The following RPN2 variants were observed in gnomAD, a reference collection of about 807,000 sequenced individuals.
RPN2 encodes the protein dolichyl-diphosphooligosaccharide--protein glycosyltransferase subunit 2.
A neutral mutation model predicts 71.4 loss-of-function variants in RPN2; 29 were observed. The observed-to-expected ratio is 0.41, with a 90% CI of 0.30 to 0.55. The LOEUF is 0.55. Among genes scored for constraint, RPN2 ranks in the 20% least tolerant of loss-of-function variants. The pLI is 0.35. For synonymous variants in RPN2, 308 were observed against 305.0 expected (o/e 1.01, Z -0.10); for missense variants, 726 against 774.1 (o/e 0.94, Z 0.74).
chr20:37,188,742 G>A (rs2067071473), intron 2 of RPN2, among the ~76,000 whole-genome samples: 1 of 150,828 alleles, frequency 6.6e-6, no homozygotes, highest in Non-Finnish European at 1.5e-5. Flanking sequence ...TCTGCCCCTC[G>A]AGTAGCTGGG....
At chr20:37,196,672 G>C (rs545681156) in intron 2 of RPN2, among the ~76,000 whole-genome samples, 127 of 152,296 alleles carry the variant, frequency 8.3e-4, no homozygotes, top group African/African-American at 2.8e-3. Context: ...GAGCCACTGT[G>C]CCCAGCCAGC....
At position 37,210,156 on chromosome 20, in the gene RPN2, C is replaced by T. The variant is rs1722628523; in HGVS notation, c.977C>T (p.Thr326Ile). The change falls in exon 8 of 17, where the codon ACC (threonine) becomes ATC (isoleucine). Residue 326 changes from threonine (T) to isoleucine (I), a missense_variant. Thr to Ile is a moderately conservative substitution (Grantham distance 89). Transcript: ENST00000237530. Reference sequence around the variant, plus strand: ...ACTGTCCTCCAGAAGACATCCTTCACCCCTGTAGGGTAAGTCCTGATCATA... The same window carrying T: ...ACTGTCCTCCAGAAGACATCCTTCATCCCTGTAGGGTAAGTCCTGATCATA... ...RATVLQKTSF[T>I]PVGDVFELNF... 6.2e-7 allele frequency: 1 copy of T among 1,613,990 alleles called. No individual in the cohort carries two copies. Among genetic ancestry groups the T allele is most frequent in the Non-Finnish European group, 8.5e-7 (1 of 1,179,988 alleles).
chr20:37,238,337 T>C lies in RPN2; in HGVS notation c.1883+1628T>C, dbSNP rs138259353. The C allele has an allele frequency of 1.0e-3, 1,326 of 1,285,318 alleles. 15 individuals carry two copies. In the African/African-American group the frequency reaches 0.018, roughly 17 times the overall value. 79.6% of individuals were successfully genotyped at this position (1,285,318 alleles called of 1,614,324 possible). ...GCTCTGGTTGGGTGTTTGTCATTTCTTTCCTCAGCTGATTTCTCCCCTCAC... is the reference window on the plus strand; with the variant it reads ...GCTCTGGTTGGGTGTTTGTCATTTCCTTCCTCAGCTGATTTCTCCCCTCAC... On this transcript the variant is annotated intron_variant, in intron 16 of 16. Coordinates refer to ENST00000237530, the MANE Select transcript of RPN2 (RefSeq NM_002951.5).
chr20:37,211,459 C>T (rs532446241), intron 8 of RPN2, among the ~76,000 whole-genome samples: 2 of 150,854 alleles, frequency 1.3e-5, no homozygotes, highest in East Asian at 2.0e-4. Flanking sequence ...GCCAACATGG[C>T]GAAACCCCAT....
At chr20:37,236,341 C>T (rs2068391671) in intron 15 of RPN2, among the ~76,000 whole-genome samples, 1 of 152,216 alleles carries the variant, frequency 6.6e-6, no homozygotes, top group Non-Finnish European at 1.5e-5. Context: ...CCTGCCTCAG[C>T]CTCCCAAAAT....
chr20:37,198,913 G>A, intron 3 of RPN2, 137 bp from the exon 4 acceptor site: 2 of 771,122 alleles, frequency 2.6e-6, no homozygotes, highest in Non-Finnish European at 4.6e-6. Context: ...TCATCCTGGT[G>A]TCTGGGGATT....
intron 2 of RPN2, among the ~76,000 whole-genome samples, chr20:37,188,681 G>A (rs1358757651): frequency 2.7e-5 from 4 of 150,572 alleles, no homozygotes; most frequent in South Asian, 2.1e-4. Context: ...GCAGTGGTGC[G>A]ATCATGGTTC....
intron 8 of RPN2, 142 bp downstream of exon 8, chr20:37,210,307 A>G (rs902158554): frequency 2.7e-6 from 4 of 1,480,044 alleles, no homozygotes; most frequent in Admixed American, 1.9e-5. Context: ...ATGTAAGAAA[A>G]TGATTTTTAA....
rs748578396 is a variant in RPN2, at chr20:37,184,244, T to A, written c.78T>A (p.Thr26=). ...IIASTWALTP[T]HYLTKHDVER... is the part of the protein sequence containing the mutation. The stretch of plus-strand genomic sequence containing the variant: ...CCAGCACCTGGGCTCTGACGCCCAC[T>A]CACTACCTCACCAAGCATGACGTGG... Residue 26 remains threonine (T), a synonymous_variant, in exon 2 of 17, where the codon ACT becomes ACA. Transcript: ENST00000237530. The A allele has an allele frequency of 9.3e-6, 15 of 1,614,054 alleles. No homozygotes were observed. Among genetic ancestry groups the A allele is most frequent in the Non-Finnish European group, 1.3e-5 (15 of 1,180,050 alleles).
chr20:37,179,645 G>T, intron 1 of RPN2: 1 of 669,606 alleles, frequency 1.5e-6, no homozygotes, highest in Non-Finnish European at 2.2e-6. Context: ...GACGCGCTTA[G>T]CCTAGGTCTG....
intron 2 of RPN2, among the ~76,000 whole-genome samples, chr20:37,195,172 A>G (rs149773457): frequency 1.8e-4 from 27 of 152,272 alleles, no homozygotes; most frequent in African/African-American, 6.5e-4. Flanking sequence ...CTGGAGTCAG[A>G]GTTTCCAGTC....
At chr20:37,221,437 G>A (rs2067954835) in intron 9 of RPN2, among the ~76,000 whole-genome samples, 1 of 152,036 alleles carries the variant, frequency 6.6e-6, no homozygotes, top group Non-Finnish European at 1.5e-5. Flanking sequence ...ACCTCAAATG[G>A]TCCTCCTGCC....
chr20:37,218,601 C>T (rs2067876629), intron 9 of RPN2, among the ~76,000 whole-genome samples: 1 of 151,922 alleles, frequency 6.6e-6, no homozygotes, highest in Admixed American at 6.6e-5. Flanking sequence ...AGTATTTTCA[C>T]AGACTTGTGC....
intron 2 of RPN2, among the ~76,000 whole-genome samples, chr20:37,196,111 G>A (rs2146551178): frequency 6.6e-6 from 1 of 152,088 alleles, no homozygotes; most frequent in African/African-American, 2.4e-5. Flanking sequence ...CCAGGCTGGA[G>A]TGCAGTGGCA....
In RPN2 at chr20:37,187,290, C is replaced by CA. The variant is rs1488660593; in HGVS notation, c.207+2918dup. Among the ~76,000 whole-genome samples, 13 of 9,724 alleles carry CA rather than the reference C, an allele frequency of 1.3e-3. 5 individuals carry two copies. The highest frequency in any genetic ancestry group is 3.6e-3 in the Non-Finnish European group (10 of 2,792). 6.4% of individuals were successfully genotyped at this position (9,724 alleles called of 152,430 possible). A position where few individuals can be genotyped will look rare whatever the true frequency, so the allele number is the denominator to read the frequency against. On this transcript the variant is annotated intron_variant, in intron 2 of 16. Coordinates refer to ENST00000237530, the MANE Select transcript of RPN2 (RefSeq NM_002951.5). ...GGCCGAGGCGGGCGGATCACGAGGT[C>CA]AGGAGATCGAGACCATCCCGGCTAA... is the stretch of plus-strand genomic sequence containing the variant.
At chr20:37,191,319 A>G (rs1568964432) in intron 2 of RPN2, among the ~76,000 whole-genome samples, 1 of 152,184 alleles carries the variant, frequency 6.6e-6, no homozygotes, top group Non-Finnish European at 1.5e-5. Context: ...TTTACTAAAA[A>G]TACAGAAGTT....
In RPN2 at chr20:37,199,240, C is replaced by G. The variant is rs764791936; in HGVS notation, c.479+15C>G. 2.0e-5 allele frequency: 32 copies of G among 1,612,494 alleles called. No homozygotes were observed. The highest frequency in any genetic ancestry group is 2.6e-5 in the Non-Finnish European group (31 of 1,180,000). ...ACTGTGCTGGCGTGAGTTGTCATCTCGAGCATTTCTCAGGCTTCATTTGTC... is the reference window on the plus strand; with the variant it reads ...ACTGTGCTGGCGTGAGTTGTCATCTGGAGCATTTCTCAGGCTTCATTTGTC... On this transcript the variant is annotated intron_variant, in intron 4 of 16. Coordinates refer to ENST00000237530, the MANE Select transcript of RPN2 (RefSeq NM_002951.5).
chr20:37,230,637 CAG>C (rs958779085), intron 13 of RPN2, among the ~76,000 whole-genome samples: 1 of 152,150 alleles, frequency 6.6e-6, no homozygotes, highest in Non-Finnish European at 1.5e-5. Flanking sequence ...TGGATCCACT[CAG>C]TGGACTATTT....
At chr20:37,200,341 C>A in intron 4 of RPN2, 1 of 376,046 alleles carries the variant, frequency 2.7e-6, no homozygotes, top group Non-Finnish European at 5.3e-6. Context: ...CTGTGTTGTC[C>A]AGGCCGGTTG....
Sources: gnomAD v4.1 joint callset for allele counts (sites outside exome capture counted in the v4.1 genomes callset) on GRCh38, gnomAD v4.1.1 for gene constraint, MANE v1.5 for transcripts, NCBI Gene and HGNC (gene_info 2026-07-23, HGNC 2026-07-21) for gene names.